C4orf17: variants seen among roughly 807,000 people sequenced by gnomAD.
C4orf17 encodes the protein chromosome 4 open reading frame 17, also known as uncharacterized protein C4orf17.
C4orf17 carries 25 observed loss-of-function variants against 32.0 expected under a neutral mutation model. The ratio of observed to expected loss-of-function variants is 0.78; its 90% CI spans 0.57 to 1.09. C4orf17 has a LOEUF of 1.09. C4orf17 is among the 50% of genes least tolerant of loss of function. The pLI, the probability that C4orf17 is intolerant of heterozygous loss-of-function variation, is 0.00. For synonymous variants in C4orf17, 149 were observed against 145.8 expected (o/e 1.02, Z -0.16); for missense variants, 420 against 420.0 (o/e 1.00, Z 0.00).
intron 7 of C4orf17, among the ~76,000 whole-genome samples, 165 bp downstream of exon 7, chr4:99,539,535 A>G (rs866683110): frequency 1.3e-5 from 2 of 152,248 alleles, no homozygotes; most frequent in African/African-American, 4.8e-5. Flanking sequence ...TATATGTAAT[A>G]TAAGAATTGT....
chr4:99,522,489 T>A lies in C4orf17; in HGVS notation c.128-11T>A. Reference sequence around the variant, plus strand: ...TTGATCTGTCTCTTTTTTTAATCTTTACTCACCTAGGCTTGAATAACATTC... The same window carrying A: ...TTGATCTGTCTCTTTTTTTAATCTTAACTCACCTAGGCTTGAATAACATTC... On this transcript the variant is annotated splice_polypyrimidine_tract_variant and intron_variant, in intron 2 of 8. Coordinates refer to ENST00000326581, the MANE Select transcript of C4orf17 (RefSeq NM_032149.3). 1 of 1,605,276 alleles carries A rather than the reference T, an allele frequency of 6.2e-7. No homozygotes were observed. Among genetic ancestry groups the A allele is most frequent in the Non-Finnish European group, 8.5e-7 (1 of 1,173,306 alleles).
At chr4:99,511,668 C>G (rs1481551701) in intron 1 of C4orf17, among the ~76,000 whole-genome samples, 1 of 151,998 alleles carries the variant, frequency 6.6e-6, no homozygotes, top group Non-Finnish European at 1.5e-5. Context: ...CTTTTTCACT[C>G]TCCAAATTGT....
intron 6 of C4orf17, among the ~76,000 whole-genome samples, chr4:99,538,030 G>C (rs1347861943): frequency 6.6e-6 from 1 of 152,134 alleles, no homozygotes; most frequent in Non-Finnish European, 1.5e-5. Context: ...GCTAGAGTTG[G>C]TTTATGCTCC....
intron 2 of C4orf17, among the ~76,000 whole-genome samples, chr4:99,516,650 A>G (rs1417929994): frequency 6.6e-6 from 1 of 152,180 alleles, no homozygotes; most frequent in Non-Finnish European, 1.5e-5. Context: ...CAGCAAAAGA[A>G]TATTAGGAAA....
intron 1 of C4orf17, among the ~76,000 whole-genome samples, chr4:99,511,909 T>C (rs577563393): frequency 6.6e-6 from 1 of 152,312 alleles, no homozygotes; most frequent in African/African-American, 2.4e-5. Context: ...CAACCTAGGA[T>C]AATTTTAGTA....
In C4orf17 at chr4:99,537,764, A is replaced by G. The variant is rs1723585710; in HGVS notation, c.628+14A>G. ...CAACTTCAAAAGGTGCGATTAAGATATAAATTTTAAAACACTGAGCTCAAT... is the reference window on the plus strand; with the variant it reads ...CAACTTCAAAAGGTGCGATTAAGATGTAAATTTTAAAACACTGAGCTCAAT... On this transcript the variant is annotated intron_variant, in intron 6 of 8. Coordinates refer to ENST00000326581, the MANE Select transcript of C4orf17 (RefSeq NM_032149.3). 1.3e-6 allele frequency: 2 copies of G among 1,591,940 alleles called. No homozygotes were observed. Among genetic ancestry groups the G allele is most frequent in the African/African-American group, 2.7e-5 (2 of 74,544 alleles).
Position 99,522,629 on chromosome 4 carries a change from G to C in C4orf17, c.257G>C (p.Ser86Thr), listed in dbSNP as rs1407923872. 1.2e-6 allele frequency: 2 copies of C among 1,613,906 alleles called. No homozygotes were observed. Among genetic ancestry groups the C allele is most frequent in the East Asian group, 4.5e-5 (2 of 44,870 alleles). The change falls in exon 3 of 9, where the codon AGC becomes ACC. Residue 86 changes from serine (S) to threonine (T), a missense_variant. Ser to Thr is a moderately conservative substitution (Grantham distance 58, BLOSUM62 1). Transcript: ENST00000326581. ...IPFANCSYPS[S>T]TAVQESPVRG... Reference sequence around the variant, plus strand: ...TTTGCCAATTGCAGTTACCCCTCCAGCACTGCAGTCCAGGAGAGCCCTGTA... The same window carrying C: ...TTTGCCAATTGCAGTTACCCCTCCACCACTGCAGTCCAGGAGAGCCCTGTA...
At chr4:99,532,868 C>G (rs1230915684) in intron 5 of C4orf17, among the ~76,000 whole-genome samples, 1 of 152,000 alleles carries the variant, frequency 6.6e-6, no homozygotes, top group East Asian at 1.9e-4. Context: ...GCTCAGAGAG[C>G]CTTTAAGGAG....
chr4:99,537,651 T>G lies in C4orf17; in HGVS notation c.547-18T>G. 1 of 1,591,284 alleles carries G rather than the reference T, an allele frequency of 6.3e-7. No individual in the cohort carries two copies. Among genetic ancestry groups the G allele is most frequent in the Non-Finnish European group, 8.6e-7 (1 of 1,161,848 alleles). On this transcript the variant is annotated intron_variant, in intron 5 of 8. Transcript: ENST00000326581. The stretch of plus-strand genomic sequence containing the variant: ...TACTATTTATTTGCTCATATGTAAC[T>G]CTAATGTTCTCTGTCAGATCCTGGC...
chr4:99,539,867 A>C lies in C4orf17; in HGVS notation c.836+497A>C, dbSNP rs189477321. ...CTCCTGGGGCCCCCTAGAGAGAAAA[A>C]TAACTACTAAAATAATTGAAATTAT... On this transcript the variant is annotated intron_variant, in intron 7 of 8. Coordinates refer to ENST00000326581, the MANE Select transcript of C4orf17 (RefSeq NM_032149.3). Among the ~76,000 whole-genome samples, 152 of 152,232 alleles carry C rather than the reference A, an allele frequency of 1.0e-3. 3 individuals are homozygous for C. The highest frequency in any genetic ancestry group is 6.8e-3 in the Middle Eastern group (2 of 294).
At chr4:99,540,363 C>CT (rs1441219244) in intron 7 of C4orf17, 49 bp from the exon 8 acceptor site, 14 of 1,414,102 alleles carry the variant, frequency 9.9e-6, no homozygotes, top group Non-Finnish European at 1.2e-5. Flanking sequence ...ATAGAAAATA[C>CT]TTTTTTGTAT....
chr4:99,531,679 T>C (rs1723478824), intron 5 of C4orf17, among the ~76,000 whole-genome samples: 1 of 152,162 alleles, frequency 6.6e-6, no homozygotes. Flanking sequence ...TGAAAAATAT[T>C]AACTGGCACA....
At chr4:99,518,544 TAGAGAGAGAGAGAG>T (rs70958313) in intron 2 of C4orf17, among the ~76,000 whole-genome samples, 12 of 36,824 alleles carry the variant, frequency 3.3e-4, no homozygotes, top group East Asian at 3.0e-3. Context: ...TATATATATA[TAGAGAGAGAGAGAG>T]AGAGAGAGAG....
Position 99,525,976 on chromosome 4 carries a change from C to T in C4orf17, c.402+1391C>T, listed in dbSNP as rs182804358. The stretch of plus-strand genomic sequence containing the variant: ...AATTTTTTCCATCATAGTTTCGCAT[C>T]TGCATGCTGTTTATCTCTGTATTGT... On this transcript the variant is annotated intron_variant, in intron 4 of 8. Transcript: ENST00000326581. Among the ~76,000 whole-genome samples, 133 of 152,234 alleles carry T rather than the reference C, an allele frequency of 8.7e-4. 2 individuals are homozygous for T. The highest frequency in any genetic ancestry group is 6.8e-3 in the Middle Eastern group (2 of 294).
chr4:99,515,088 AG>A (rs1403282207), intron 2 of C4orf17, among the ~76,000 whole-genome samples: 1 of 152,202 alleles, frequency 6.6e-6, no homozygotes, highest in Non-Finnish European at 1.5e-5. Context: ...TAATGGACTT[AG>A]GGACTCAGTG....
intron 5 of C4orf17, among the ~76,000 whole-genome samples, chr4:99,532,757 A>G (rs1357081592): frequency 6.6e-6 from 1 of 152,204 alleles, no homozygotes; most frequent in Non-Finnish European, 1.5e-5. Flanking sequence ...ATGTCAAACT[A>G]CAAAATACTA....
intron 3 of C4orf17, 50 bp from the exon 4 acceptor site, chr4:99,524,471 A>C: frequency 1.8e-6 from 2 of 1,117,018 alleles, no homozygotes; most frequent in Non-Finnish European, 2.7e-6. Flanking sequence ...ATGTGATATA[A>C]ATTCTTTTTC....
rs1723656847 is a variant in C4orf17, at chr4:99,542,037, G to A, written c.1008G>A (p.Val336=). The part of the protein sequence containing the change: ...NTQESGSAKP[V]SARSIQEYNL... The stretch of plus-strand genomic sequence containing the variant: ...AGGAGAGTGGATCAGCAAAACCAGT[G>A]TCAGCAAGGAGTATACAAGAATACA... The change falls in exon 9 of 9, where the codon GTG becomes GTA. Residue 336 remains valine, a synonymous_variant. Transcript: ENST00000326581. 6.2e-7 allele frequency: 1 copy of A among 1,613,986 alleles called. No homozygotes were observed. Among genetic ancestry groups the A allele is most frequent in the Non-Finnish European group, 8.5e-7 (1 of 1,180,002 alleles).
At chr4:99,541,877 A>G (rs1357222839) in intron 8 of C4orf17, 33 bp from the exon 9 acceptor site, 2 of 1,484,056 alleles carry the variant, frequency 1.3e-6, no homozygotes, top group Admixed American at 1.8e-5. Context: ...TGTCTCAATT[A>G]TGGTCTTATT....
Sources: allele counts gnomAD v4.1 joint callset (sites outside exome capture counted in the v4.1 genomes callset), GRCh38; gene constraint gnomAD v4.1.1; transcripts MANE v1.5; gene names NCBI Gene and HGNC (gene_info 2026-07-23, HGNC 2026-07-21).